Variants in RABGAP1L observed in about 807,000 individuals in gnomAD.
The protein encoded by RABGAP1L is rab GTPase-activating protein 1-like.
A neutral mutation model predicts 137.7 loss-of-function variants in RABGAP1L; 63 were observed. The observed-to-expected ratio is 0.46, with a 90% CI of 0.37 to 0.56. RABGAP1L has a LOEUF of 0.56. Among genes scored for constraint, RABGAP1L ranks in the 20% least tolerant of loss-of-function variants. The pLI, the probability that RABGAP1L is intolerant of heterozygous loss-of-function variation, is 0.00. For missense variants in RABGAP1L, 1,095 were observed against 1,244.0 expected, an observed-to-expected ratio of 0.88 and a Z score of 1.80; for synonymous variants, 431 against 433.7, an observed-to-expected ratio of 0.99 and a Z score of 0.08.
chr1:174,224,700 T>C (rs1334757039), intron 3 of RABGAP1L, among the ~76,000 whole-genome samples: 2 of 152,084 alleles, frequency 1.3e-5, no homozygotes, highest in African/African-American at 2.4e-5. Context: ...TATACATACA[T>C]TGAAAAACCT....
chr1:174,466,856 T>C (rs1406908745), intron 13 of RABGAP1L, among the ~76,000 whole-genome samples: 1 of 152,172 alleles, frequency 6.6e-6, no homozygotes, highest in Non-Finnish European at 1.5e-5. Context: ...TGAAATTTTT[T>C]ATTCATCACT....
At chr1:174,666,183 C>T (rs1676772576) in intron 14 of RABGAP1L, among the ~76,000 whole-genome samples, 1 of 152,074 alleles carries the variant, frequency 6.6e-6, no homozygotes, top group Admixed American at 6.6e-5. Context: ...TGGTTGTTCC[C>T]CTGACATACT....
chr1:174,906,351 G>A (rs1473100147), intron 19 of RABGAP1L, among the ~76,000 whole-genome samples: 1 of 152,094 alleles, frequency 6.6e-6, no homozygotes, highest in African/African-American at 2.4e-5. Context: ...TAATAGGCTG[G>A]GTGCATTGGC....
At chr1:174,441,386 T>A (rs1206200339) in intron 13 of RABGAP1L, among the ~76,000 whole-genome samples, 2 of 152,154 alleles carry the variant, frequency 1.3e-5, no homozygotes, top group African/African-American at 4.8e-5. Context: ...ATTATAAATG[T>A]GTTCATATTA....
chr1:174,665,830 A>G (rs1239681850), intron 14 of RABGAP1L, among the ~76,000 whole-genome samples: 1 of 152,260 alleles, frequency 6.6e-6, no homozygotes, highest in Non-Finnish European at 1.5e-5. Flanking sequence ...TGTTACAATT[A>G]TTAAATAAAT....
chr1:174,459,150 T>A (rs1656387163), intron 13 of RABGAP1L, among the ~76,000 whole-genome samples: 1 of 152,120 alleles, frequency 6.6e-6, no homozygotes, highest in Admixed American at 6.6e-5. Flanking sequence ...CAAAGCAATT[T>A]TAAAGAGCCA....
At chr1:174,541,604 G>C (rs1258576609) in intron 13 of RABGAP1L, among the ~76,000 whole-genome samples, 2 of 152,044 alleles carry the variant, frequency 1.3e-5, no homozygotes, top group African/African-American at 2.4e-5. Context: ...GTGAAACTCT[G>C]TATCTACTAA....
intron 19 of RABGAP1L, among the ~76,000 whole-genome samples, chr1:174,838,063 G>T (rs536711756): frequency 6.6e-6 from 1 of 152,266 alleles, no homozygotes; most frequent in South Asian, 2.1e-4. Context: ...TTTCCAAAAA[G>T]TTTCTAGCTG....
At chr1:174,304,332 T>C (rs1677996489) in intron 10 of RABGAP1L, among the ~76,000 whole-genome samples, 1 of 151,956 alleles carries the variant, frequency 6.6e-6, no homozygotes. Context: ...ATTTGGTTTA[T>C]ATATATTTGA....
intron 13 of RABGAP1L, among the ~76,000 whole-genome samples, chr1:174,471,785 G>A (rs1464093810): frequency 6.6e-6 from 1 of 152,138 alleles, no homozygotes; most frequent in Non-Finnish European, 1.5e-5. Flanking sequence ...AGACTGTTAT[G>A]GACTGAATGC....
At chr1:174,533,941 G>C (rs1189139296) in intron 13 of RABGAP1L, among the ~76,000 whole-genome samples, 2 of 144,654 alleles carry the variant, frequency 1.4e-5, no homozygotes, top group Non-Finnish European at 3.2e-5. Context: ...CAAAGTGCTG[G>C]GATTACAGGC....
intron 13 of RABGAP1L, among the ~76,000 whole-genome samples, chr1:174,513,347 T>A (rs1486076876): frequency 1.3e-5 from 2 of 152,120 alleles, no homozygotes; most frequent in Non-Finnish European, 2.9e-5. Context: ...GCCTGTAATT[T>A]TAGCACTTTG....
intron 13 of RABGAP1L, among the ~76,000 whole-genome samples, chr1:174,622,385 G>C (rs754506852): frequency 8.5e-5 from 13 of 152,222 alleles, no homozygotes; most frequent in South Asian, 6.2e-4. Flanking sequence ...AATCATGATG[G>C]TGTAAAGACA....
At chr1:174,768,835 A>G (rs1422711593) in intron 18 of RABGAP1L, among the ~76,000 whole-genome samples, 1 of 152,214 alleles carries the variant, frequency 6.6e-6, no homozygotes, top group East Asian at 1.9e-4. Context: ...GCCCTCTTGG[A>G]CAAATTCTTT....
intron 13 of RABGAP1L, among the ~76,000 whole-genome samples, chr1:174,499,831 G>A (rs10489262): frequency 0.12 from 18,170 of 152,078 alleles, 3,669 homozygotes; most frequent in African/African-American, 0.41. Flanking sequence ...CACTTTCATA[G>A]CTTTCTCTCT....
intron 20 of RABGAP1L, among the ~76,000 whole-genome samples, chr1:174,961,845 C>CAAAAAA (rs61233451): frequency 1.1e-5 from 1 of 88,742 alleles, no homozygotes; most frequent in Non-Finnish European, 2.3e-5. Context: ...GACTCTGTCT[C>CAAAAAA]AAAAAAAAAA....
At chr1:174,877,311 AAGCCTGTGATAGC>A in intron 19 of RABGAP1L, 1 of 1,201,020 alleles carries the variant, frequency 8.3e-7, no homozygotes, top group Non-Finnish European at 1.2e-6. Flanking sequence ...ATTGCTAGCC[AAGCCTGTGATAGC>A]AGCCGCTTTT....
chr1:174,615,781 G>A (rs1386549011), intron 13 of RABGAP1L, among the ~76,000 whole-genome samples: 1 of 152,208 alleles, frequency 6.6e-6, no homozygotes, highest in African/African-American at 2.4e-5. Context: ...CCTGGGCAAT[G>A]GTGGGCGCCC....
intron 19 of RABGAP1L, among the ~76,000 whole-genome samples, chr1:174,856,970 A>G (rs552879273): frequency 4.6e-4 from 70 of 152,250 alleles, no homozygotes; most frequent in African/African-American, 1.7e-3. Flanking sequence ...AAGCCCCAGG[A>G]TAAACACATG....
Sources: gnomAD v4.1 joint callset for allele counts (sites outside exome capture counted in the v4.1 genomes callset) on GRCh38, gnomAD v4.1.1 for gene constraint, MANE v1.5 for transcripts, NCBI Gene and HGNC (gene_info 2026-07-23, HGNC 2026-07-21) for gene names.